The following PTPRN2 variants were observed in gnomAD, a reference collection of about 807,000 sequenced individuals.
PTPRN2 encodes the protein protein tyrosine phosphatase receptor type N2.
In PTPRN2, 74 loss-of-function variants were observed where a neutral mutation model predicts 118.8. The ratio of observed to expected loss-of-function variants is 0.62; its 90% CI spans 0.52 to 0.76. PTPRN2 has a LOEUF of 0.76. Among genes scored for constraint, PTPRN2 ranks in the 30% least tolerant of loss-of-function variants. The pLI is 0.00. For missense variants in PTPRN2, 1,481 were observed against 1,394.4 expected (o/e 1.06, Z -0.99); for synonymous variants, 641 against 608.0 (o/e 1.05, Z -0.80).
intron 12 of PTPRN2, among the ~76,000 whole-genome samples, chr7:157,825,667 A>G (rs917036432): frequency 1.3e-5 from 2 of 152,162 alleles, no homozygotes; most frequent in Non-Finnish European, 2.9e-5. Flanking sequence ...ACATTTGTTC[A>G]TGTCTGAGTT....
intron 11 of PTPRN2, among the ~76,000 whole-genome samples, chr7:158,034,829 G>A (rs1375000029): frequency 6.6e-6 from 1 of 152,218 alleles, no homozygotes; most frequent in Admixed American, 6.5e-5. Context: ...CTGCTGACAG[G>A]GAGCAGTAGC....
chr7:158,485,620 C>T (rs1407346641), intron 2 of PTPRN2, among the ~76,000 whole-genome samples: 2 of 133,326 alleles, frequency 1.5e-5, no homozygotes, highest in East Asian at 5.2e-4. Context: ...CCCGCCTGCT[C>T]GGCCACCCCT....
At chr7:158,515,972 T>A (rs569685815) in intron 1 of PTPRN2, among the ~76,000 whole-genome samples, 29 of 152,176 alleles carry the variant, frequency 1.9e-4, no homozygotes, top group Non-Finnish European at 3.7e-4. Context: ...TCATACTTGA[T>A]ACTCTAAGGC....
chr7:158,326,002 G>A (rs1002306726), intron 2 of PTPRN2, among the ~76,000 whole-genome samples: 1 of 152,200 alleles, frequency 6.6e-6, no homozygotes, highest in Non-Finnish European at 1.5e-5. Flanking sequence ...GGGTGTCCCA[G>A]GCACTGAACC....
chr7:157,995,847 G>C (rs1397500819), intron 11 of PTPRN2, among the ~76,000 whole-genome samples: 1 of 152,242 alleles, frequency 6.6e-6, no homozygotes, highest in African/African-American at 2.4e-5. Context: ...ATGCACACTG[G>C]AACGATAGCA....
At chr7:158,342,186 C>T (rs1215487890) in intron 2 of PTPRN2, among the ~76,000 whole-genome samples, 25 of 144,262 alleles carry the variant, frequency 1.7e-4, no homozygotes, top group African/African-American at 5.9e-4. Flanking sequence ...GAGCCGACGC[C>T]CACAGACGTC....
intron 2 of PTPRN2, among the ~76,000 whole-genome samples, chr7:158,358,468 C>T (rs1808566039): frequency 6.6e-6 from 1 of 152,226 alleles, no homozygotes. Context: ...ATTTACCAGA[C>T]TTGAAAGCAA....
chr7:158,511,465 C>T (rs1823174519), intron 1 of PTPRN2, among the ~76,000 whole-genome samples: 1 of 152,202 alleles, frequency 6.6e-6, no homozygotes, highest in Non-Finnish European at 1.5e-5. Flanking sequence ...TCTCCTAAAC[C>T]ATCCACATCT....
intron 2 of PTPRN2, among the ~76,000 whole-genome samples, chr7:158,373,190 T>C (rs1349416834): frequency 6.6e-6 from 1 of 152,256 alleles, no homozygotes; most frequent in Non-Finnish European, 1.5e-5. Flanking sequence ...GCAGATGTGC[T>C]TTCCTCTGAC....
chr7:158,107,421 T>A (rs925538199), intron 10 of PTPRN2, among the ~76,000 whole-genome samples: 2 of 152,100 alleles, frequency 1.3e-5, no homozygotes, highest in African/African-American at 4.8e-5. Flanking sequence ...CACTGAAGTA[T>A]TTCCTACCAG....
intron 3 of PTPRN2, among the ~76,000 whole-genome samples, chr7:158,268,712 C>A (rs1233580273): frequency 8.2e-6 from 1 of 122,690 alleles, no homozygotes; most frequent in South Asian, 2.6e-4. Context: ...CCCAGCCCAG[C>A]CGCACACAGA....
chr7:158,408,520 C>T (rs934590359), intron 2 of PTPRN2, among the ~76,000 whole-genome samples: 1 of 152,220 alleles, frequency 6.6e-6, no homozygotes, highest in African/African-American at 2.4e-5. Flanking sequence ...CATACTGCAT[C>T]TTCAGAGGAA....
intron 2 of PTPRN2, among the ~76,000 whole-genome samples, chr7:158,394,745 C>A (rs1300492844): frequency 6.6e-6 from 1 of 152,246 alleles, no homozygotes; most frequent in Non-Finnish European, 1.5e-5. Flanking sequence ...GGACTGTAGG[C>A]AACTCACAAA....
intron 2 of PTPRN2, among the ~76,000 whole-genome samples, chr7:158,393,938 G>A (rs1333748832): frequency 2.0e-5 from 3 of 151,876 alleles, no homozygotes; most frequent in Non-Finnish European, 2.9e-5. Context: ...CCACTGCTCT[G>A]GGACCCCCAC....
chr7:157,812,366 C>T (rs1402060031), intron 12 of PTPRN2, among the ~76,000 whole-genome samples: 2 of 151,646 alleles, frequency 1.3e-5, no homozygotes, highest in African/African-American at 2.4e-5. Context: ...CCTCCCTTTC[C>T]ACTCCACTCC....
Position 157,604,063 on chromosome 7 carries a change from C to T in PTPRN2, c.2357G>A (p.Arg786Gln), listed in dbSNP as rs199652562. ...GCTGTTCTCCGCCTTCAGCAGGACCCGGGAGTGGTCATCTGCAAGGACACA... is the reference window on the plus strand; with the variant it reads ...GCTGTTCTCCGCCTTCAGCAGGACCTGGGAGTGGTCATCTGCAAGGACACA... ...SLAVLTYDHS[R>Q]VLLKAENSHS... Residue 786 changes from arginine to glutamine, a missense_variant, in exon 16 of 23, where the codon CGG becomes CAG. By Grantham distance (43) the Arg-to-Gln change is conservative. Transcript: ENST00000389418. The T allele has an allele frequency of 1.4e-5, 23 of 1,613,740 alleles. No homozygotes were observed. The highest frequency in any genetic ancestry group is 2.2e-5 in the East Asian group (1 of 44,886).
chr7:158,122,357 G>A (rs192857256), intron 9 of PTPRN2, among the ~76,000 whole-genome samples: 319 of 152,310 alleles, frequency 2.1e-3, no homozygotes, highest in African/African-American at 7.3e-3. Context: ...GCCTCGGCAA[G>A]CACTCACTGG....
intron 12 of PTPRN2, among the ~76,000 whole-genome samples, chr7:157,837,172 C>T (rs1251580016): frequency 8.0e-6 from 1 of 125,126 alleles, no homozygotes; most frequent in African/African-American, 3.1e-5. Flanking sequence ...TCCCTCCATC[C>T]ACCCACCCAT....
At chr7:158,119,994 C>G (rs1367151985) in intron 9 of PTPRN2, among the ~76,000 whole-genome samples, 1 of 152,160 alleles carries the variant, frequency 6.6e-6, no homozygotes, top group East Asian at 1.9e-4. Context: ...GCGTGGCCTG[C>G]ACCAAAAGTA....
Sources: gnomAD v4.1 joint callset for allele counts (sites outside exome capture counted in the v4.1 genomes callset) on GRCh38, gnomAD v4.1.1 for gene constraint, MANE v1.5 for transcripts, NCBI Gene and HGNC (gene_info 2026-07-23, HGNC 2026-07-21) for gene names.